The following TMEM117 variants were observed in gnomAD, a reference collection of about 807,000 sequenced individuals.
The protein encoded by TMEM117 is transmembrane protein 117.
In TMEM117, 27 loss-of-function variants were observed where a neutral mutation model predicts 52.4. The observed-to-expected ratio is 0.51, with a 90% CI of 0.38 to 0.71. The LOEUF (loss-of-function observed/expected upper bound fraction) is 0.71. TMEM117 is among the 30% of genes least tolerant of loss of function. The pLI, the probability that TMEM117 is intolerant of heterozygous loss-of-function variation, is 0.00. For synonymous variants in TMEM117, 215 were observed against 206.3 expected (o/e 1.04, Z -0.36); for missense variants, 556 against 630.5 (o/e 0.88, Z 1.26).
intron 2 of TMEM117, among the ~76,000 whole-genome samples, chr12:43,858,407 G>C (rs1943434871): frequency 6.6e-6 from 1 of 152,054 alleles, no homozygotes; most frequent in Non-Finnish European, 1.5e-5. Flanking sequence ...TCTTTTTCTG[G>C]CACCACCTCC....
chr12:43,819,336 T>C, the TMEM117 span, among the ~76,000 whole-genome samples: 1 of 152,214 alleles, frequency 6.6e-6, no homozygotes, highest in African/African-American at 2.4e-5. Context: ...TAAAGTTTGA[T>C]TGGTGGCAGA....
At chr12:44,192,605 GAATA>G (rs1343158787) in intron 4 of TMEM117, among the ~76,000 whole-genome samples, 2 of 151,952 alleles carry the variant, frequency 1.3e-5, no homozygotes, top group Non-Finnish European at 2.9e-5. Flanking sequence ...TGAATGCACT[GAATA>G]AATAAAATGT....
intron 2 of TMEM117, among the ~76,000 whole-genome samples, chr12:43,925,322 G>C (rs1944761924): frequency 6.6e-6 from 1 of 151,314 alleles, no homozygotes; most frequent in African/African-American, 2.4e-5. Flanking sequence ...TTTGTTAAAA[G>C]TATTGAATTG....
At chr12:44,317,975 C>T (rs943436532) in intron 6 of TMEM117, among the ~76,000 whole-genome samples, 2 of 152,194 alleles carry the variant, frequency 1.3e-5, no homozygotes, top group Non-Finnish European at 2.9e-5. Context: ...CCACCTAGCG[C>T]CCAGAGGTAT....
At chr12:44,153,066 G>A (rs533001460) in intron 4 of TMEM117, among the ~76,000 whole-genome samples, 9 of 151,616 alleles carry the variant, frequency 5.9e-5, no homozygotes, top group Non-Finnish European at 1.3e-4. Flanking sequence ...TACAAAAGAA[G>A]CACATAGCTT....
At chr12:44,055,329 A>G (rs1301194705) in intron 3 of TMEM117, among the ~76,000 whole-genome samples, 1 of 152,208 alleles carries the variant, frequency 6.6e-6, no homozygotes. Context: ...AAATAAAAAC[A>G]TGCTATGGCA....
At chr12:44,016,154 C>G (rs1402825881) in intron 3 of TMEM117, among the ~76,000 whole-genome samples, 1 of 152,172 alleles carries the variant, frequency 6.6e-6, no homozygotes, top group Non-Finnish European at 1.5e-5. Context: ...TGAACCCCAC[C>G]TGGCTGCTTT....
At chr12:43,846,786 G>T (rs1446271925) in intron 2 of TMEM117, among the ~76,000 whole-genome samples, 3 of 152,054 alleles carry the variant, frequency 2.0e-5, no homozygotes, top group African/African-American at 7.2e-5. Flanking sequence ...GGTATTTTTG[G>T]TCTAGAGTTT....
At chr12:44,342,234 G>A (rs1951427384) in intron 6 of TMEM117, among the ~76,000 whole-genome samples, 1 of 152,086 alleles carries the variant, frequency 6.6e-6, no homozygotes, top group African/African-American at 2.4e-5. Context: ...TTTCGATTTA[G>A]CTTTGCTCTC....
chr12:44,360,566 C>CA (rs546423318), intron 6 of TMEM117, among the ~76,000 whole-genome samples: 1,699 of 87,760 alleles, frequency 0.019, 20 homozygotes, highest in African/African-American at 0.045. Context: ...GACTCTGTCT[C>CA]AAAAAAAAAA....
chr12:44,378,645 A>G lies in TMEM117; in HGVS notation c.898+1921A>G, dbSNP rs559314692. Among the ~76,000 whole-genome samples the G allele has an allele frequency of 1.4e-4, 22 of 152,308 alleles. No homozygotes were observed. The South Asian group carries it at 3.5e-3, about 24-fold the overall frequency. ...GTTCAACTTTTATAGCAGAGACTACATATTAATCTGGTTTGCCCGAAGGTG... is the reference window on the plus strand; with the variant it reads ...GTTCAACTTTTATAGCAGAGACTACGTATTAATCTGGTTTGCCCGAAGGTG... On this transcript the variant is annotated intron_variant, in intron 7 of 7. Coordinates refer to ENST00000266534, the MANE Select transcript of TMEM117 (RefSeq NM_032256.3).
At chr12:43,882,807 T>C (rs994096996) in intron 2 of TMEM117, among the ~76,000 whole-genome samples, 1 of 152,210 alleles carries the variant, frequency 6.6e-6, no homozygotes, top group Non-Finnish European at 1.5e-5. Flanking sequence ...TGATCAGATG[T>C]AGACTTTAAG....
the TMEM117 span, among the ~76,000 whole-genome samples, chr12:43,801,601 C>T: frequency 5.3e-5 from 8 of 152,102 alleles, no homozygotes; most frequent in African/African-American, 1.7e-4. Context: ...TGAATGGTAG[C>T]GATTAATAAA....
chr12:44,104,872 A>T (rs1947925508), intron 3 of TMEM117, among the ~76,000 whole-genome samples: 1 of 151,882 alleles, frequency 6.6e-6, no homozygotes, highest in Non-Finnish European at 1.5e-5. Context: ...TCTGTAGGTA[A>T]GGTATTTTTT....
intron 5 of TMEM117, among the ~76,000 whole-genome samples, chr12:44,275,876 A>G (rs923763770): frequency 7.9e-5 from 12 of 152,076 alleles, no homozygotes; most frequent in African/African-American, 2.7e-4. Context: ...AATAAGACCT[A>G]CTATTTTATA....
chr12:43,834,207 A>G (rs1056371481), upstream of TMEM117, among the ~76,000 whole-genome samples: 5 of 152,214 alleles, frequency 3.3e-5, no homozygotes, highest in African/African-American at 1.2e-4. Flanking sequence ...CTTTAAATGG[A>G]GATACAAGGA....
At chr12:44,027,256 G>T (rs565194592) in intron 3 of TMEM117, among the ~76,000 whole-genome samples, 1 of 149,694 alleles carries the variant, frequency 6.7e-6, no homozygotes, top group South Asian at 2.1e-4. Flanking sequence ...CACAATCTTG[G>T]CTCATTGCAA....
intron 2 of TMEM117, among the ~76,000 whole-genome samples, chr12:43,937,870 T>C (rs1480978845): frequency 2.6e-5 from 4 of 152,082 alleles, no homozygotes; most frequent in Admixed American, 2.0e-4. Flanking sequence ...GTAGCACACA[T>C]ATAGTAGACA....
intron 4 of TMEM117, among the ~76,000 whole-genome samples, chr12:44,157,762 T>G (rs1948846539): frequency 6.6e-6 from 1 of 152,168 alleles, no homozygotes; most frequent in African/African-American, 2.4e-5. Flanking sequence ...TTAGGTATAC[T>G]TTTCAAAAGA....
Sources: allele counts gnomAD v4.1 joint callset (sites outside exome capture counted in the v4.1 genomes callset), GRCh38; gene constraint gnomAD v4.1.1; transcripts MANE v1.5; gene names NCBI Gene and HGNC (gene_info 2026-07-23, HGNC 2026-07-21).